SENP7: variants seen among roughly 807,000 people sequenced by gnomAD.
The protein encoded by SENP7 is sentrin-specific protease 7.
Under a neutral mutation model 141.2 loss-of-function variants are expected in SENP7, and 64 were observed. The ratio of observed to expected loss-of-function variants is 0.45; its 90% CI spans 0.37 to 0.56. SENP7 has a LOEUF of 0.56. Ranked by LOEUF, SENP7 falls within the 20% of genes least tolerant of loss-of-function variation. The pLI, the probability that SENP7 is intolerant of heterozygous loss-of-function variation, is 0.00. For synonymous variants in SENP7, 382 were observed against 426.4 expected (o/e 0.90, Z 1.28); for missense variants, 1,025 against 1,212.2 (o/e 0.85, Z 2.29).
chr3:101,359,674 T>C (rs1056246954), intron 11 of SENP7, among the ~76,000 whole-genome samples: 2 of 151,808 alleles, frequency 1.3e-5, no homozygotes, highest in Admixed American at 6.6e-5. Context: ...AGGAATTAAA[T>C]TAATGAAATT....
At chr3:101,362,648 T>G (rs1418974139) in intron 10 of SENP7, among the ~76,000 whole-genome samples, 1 of 152,178 alleles carries the variant, frequency 6.6e-6, no homozygotes, top group Non-Finnish European at 1.5e-5. Context: ...CAATGTCTAT[T>G]GTTCCCATCT....
chr3:101,510,647 G>GT (rs1470028148), intron 1 of SENP7, among the ~76,000 whole-genome samples: 1 of 152,054 alleles, frequency 6.6e-6, no homozygotes, highest in Non-Finnish European at 1.5e-5. Flanking sequence ...GAGCTCAGGA[G>GT]TTTGAGACCA....
intron 2 of SENP7, among the ~76,000 whole-genome samples, chr3:101,498,347 A>G (rs2065240560): frequency 6.6e-6 from 1 of 152,142 alleles, no homozygotes; most frequent in African/African-American, 2.4e-5. Flanking sequence ...CCAAACAATC[A>G]AGGCTGATAT....
chr3:101,337,926 G>C (rs959883936), intron 16 of SENP7, among the ~76,000 whole-genome samples: 4 of 151,918 alleles, frequency 2.6e-5, no homozygotes, highest in Non-Finnish European at 5.9e-5. Flanking sequence ...AGGCCGAGGC[G>C]GGCAGATCAC....
intron 6 of SENP7, among the ~76,000 whole-genome samples, chr3:101,382,335 C>T (rs2060526690): frequency 6.6e-6 from 1 of 152,018 alleles, no homozygotes; most frequent in South Asian, 2.1e-4. Context: ...CAGTACTGCA[C>T]CTGACTAATT....
chr3:101,467,126 G>C (rs568146344), intron 3 of SENP7, among the ~76,000 whole-genome samples: 24 of 152,346 alleles, frequency 1.6e-4, no homozygotes, highest in African/African-American at 5.8e-4. Context: ...CAGCCTGGCT[G>C]GGGGAGGGGC....
chr3:101,466,306 C>G (rs1429139737), intron 3 of SENP7, among the ~76,000 whole-genome samples: 1 of 152,124 alleles, frequency 6.6e-6, no homozygotes, highest in African/African-American at 2.4e-5. Flanking sequence ...TAAAAGGCTT[C>G]TACAAGGTAT....
chr3:101,468,584 C>T (rs2063853108), intron 3 of SENP7, among the ~76,000 whole-genome samples: 1 of 152,090 alleles, frequency 6.6e-6, no homozygotes. Flanking sequence ...ATTTTCAATC[C>T]AGAATTTAAT....
chr3:101,398,792 G>T, intron 6 of SENP7, 69 bp downstream of exon 6: 1 of 1,149,818 alleles, frequency 8.7e-7, no homozygotes. Context: ...ATGTATCTGT[G>T]AAAAAGAACA....
intron 4 of SENP7, chr3:101,458,383 C>G (rs1270519043): frequency 2.0e-5 from 3 of 152,180 alleles, no homozygotes; most frequent in Non-Finnish European, 4.4e-5. Context: ...AAATAACTTT[C>G]TAATAATTGA....
At position 101,361,219 on chromosome 3, in the gene SENP7, C is replaced by CA. The variant is rs34712828; in HGVS notation, c.1623+495dup. ...AACAGTGAGACTCTGTCCGCCCCCC[C>CA]AAAAAAAAAAAATAGAGAACCGAGT... On this transcript the variant is annotated intron_variant, in intron 11 of 23. Coordinates refer to ENST00000394095, the MANE Select transcript of SENP7 (RefSeq NM_020654.5). Among the ~76,000 whole-genome samples, 625 of 145,710 alleles carry CA rather than the reference C, an allele frequency of 4.3e-3. 6 individuals are homozygous for CA. The highest frequency in any genetic ancestry group is 9.1e-3 in the South Asian group (42 of 4,614).
At chr3:101,457,397 A>G in intron 4 of SENP7, 1 of 1,494,032 alleles carries the variant, frequency 6.7e-7, no homozygotes, top group Non-Finnish European at 9.3e-7. Context: ...GACTGTCTAC[A>G]CCAAGCTGGT....
intron 17 of SENP7, chr3:101,333,246 G>A (rs191393931): frequency 1.2e-4 from 20 of 170,940 alleles, no homozygotes; most frequent in Non-Finnish European, 2.1e-4. Flanking sequence ...CATTAGGGAG[G>A]TTTTAAAACT....
intron 13 of SENP7, among the ~76,000 whole-genome samples, chr3:101,344,991 C>CAAAAAAAAAAAAAAAAA (rs71132568): frequency 1.6e-5 from 1 of 61,342 alleles, no homozygotes; most frequent in South Asian, 9.7e-4. Flanking sequence ...AAAAAGAAAG[C>CAAAAAAAAAAAAAAAAA]AAAAAAAAAA....
chr3:101,360,480 G>T (rs1164759970), intron 11 of SENP7, among the ~76,000 whole-genome samples: 1 of 152,096 alleles, frequency 6.6e-6, no homozygotes, highest in East Asian at 1.9e-4. Flanking sequence ...TAGATTAAAA[G>T]CTCCCTGAAA....
intron 4 of SENP7, among the ~76,000 whole-genome samples, chr3:101,439,487 G>A (rs1480650379): frequency 3.3e-5 from 1 of 30,758 alleles, no homozygotes; most frequent in Non-Finnish European, 6.2e-5. Flanking sequence ...CGTGCCATCC[G>A]GGAGGGAGGT....
intron 19 of SENP7, among the ~76,000 whole-genome samples, chr3:101,330,965 G>A (rs2059032249): frequency 6.6e-6 from 1 of 152,080 alleles, no homozygotes; most frequent in African/African-American, 2.4e-5. Context: ...TGGCTTGTAA[G>A]AAAACTCGTG....
intron 5 of SENP7, among the ~76,000 whole-genome samples, chr3:101,405,610 G>A (rs985862302): frequency 6.6e-6 from 1 of 152,192 alleles, no homozygotes; most frequent in Non-Finnish European, 1.5e-5. Context: ...GAATTCAGGA[G>A]GTTAGTTATT....
chr3:101,457,783 G>A lies in SENP7; in HGVS notation c.284+1172C>T, dbSNP rs2063405649. On this transcript the variant is annotated intron_variant, in intron 4 of 23. Transcript: ENST00000394095. ...GAGAACTAGGGTTGGTGCTAAGAGG[G>A]TCCTGGGTGGACCAGCTGAGATTAG... The A allele has an allele frequency of 4.7e-6, 3 of 637,898 alleles. No homozygotes were observed. In the South Asian group the frequency reaches 5.7e-5, roughly 12 times the overall value. The allele number at this position is 637,898 out of a possible 1,614,324, so 39.5% of individuals were successfully genotyped here. A position where few individuals can be genotyped will look rare whatever the true frequency, so the allele number is the denominator to read the frequency against.
Sources: allele counts gnomAD v4.1 joint callset (sites outside exome capture counted in the v4.1 genomes callset), GRCh38; gene constraint gnomAD v4.1.1; transcripts MANE v1.5; gene names NCBI Gene and HGNC (gene_info 2026-07-23, HGNC 2026-07-21).